The following SCML4 variants were observed in gnomAD, a reference collection of about 807,000 sequenced individuals.
The protein encoded by SCML4 is sex comb on midleg-like protein 4.
In SCML4, 34 loss-of-function variants were observed where a neutral mutation model predicts 41.1. The observed-to-expected ratio is 0.83, with a 90% CI of 0.63 to 1.10. The LOEUF is 1.10. Among genes scored for constraint, SCML4 ranks in the 50% least tolerant of loss-of-function variants. The pLI is 0.00. For missense variants in SCML4, 522 were observed against 534.1 expected, an observed-to-expected ratio of 0.98 and a Z score of 0.22; for synonymous variants, 214 against 220.9, an observed-to-expected ratio of 0.97 and a Z score of 0.28.
At chr6:107,781,362 C>T (rs1364244198) in intron 1 of SCML4, among the ~76,000 whole-genome samples, 1 of 152,118 alleles carries the variant, frequency 6.6e-6, no homozygotes, top group East Asian at 1.9e-4. Context: ...AAGAGGTTCC[C>T]CAAGCCGGGC....
the SCML4 span, among the ~76,000 whole-genome samples, chr6:107,835,529 C>T: frequency 6.6e-6 from 1 of 151,842 alleles, no homozygotes; most frequent in African/African-American, 2.4e-5. Flanking sequence ...TACTTGAGCC[C>T]AGGAGTTCGA....
At chr6:107,708,626 C>T (rs2114343297) in intron 6 of SCML4, among the ~76,000 whole-genome samples, 1 of 152,302 alleles carries the variant, frequency 6.6e-6, no homozygotes, top group East Asian at 1.9e-4. Context: ...CACTCACTGC[C>T]CCAGGTACAC....
chr6:107,837,441 A>G, the SCML4 span, among the ~76,000 whole-genome samples: 1 of 152,140 alleles, frequency 6.6e-6, no homozygotes, highest in African/African-American at 2.4e-5. Flanking sequence ...TAGTAGGCCG[A>G]ATGCACTTCC....
intron 1 of SCML4, among the ~76,000 whole-genome samples, chr6:107,813,411 TATATATATATATAAAA>T (rs1161877879): frequency 1.2e-3 from 30 of 24,852 alleles, no homozygotes; most frequent in Non-Finnish European, 2.4e-3. Context: ...TATATATATA[TATATATATATATAAAA>T]CTGTAAAATT....
intron 2 of SCML4, among the ~76,000 whole-genome samples, chr6:107,762,026 CAAT>C (rs1313143924): frequency 6.6e-6 from 1 of 151,542 alleles, no homozygotes; most frequent in African/African-American, 2.4e-5. Flanking sequence ...CTGTATCAAA[CAAT>C]AATAATGATG....
At chr6:107,745,371 G>A (rs1431339967) in intron 4 of SCML4, 1 of 489,798 alleles carries the variant, frequency 2.0e-6, no homozygotes, top group East Asian at 3.5e-5. Context: ...GTCTGTGACT[G>A]TTTCTCAGTC....
intron 1 of SCML4, among the ~76,000 whole-genome samples, chr6:107,805,779 G>A (rs758254980): frequency 6.6e-6 from 1 of 152,200 alleles, no homozygotes; most frequent in African/African-American, 2.4e-5. Flanking sequence ...GCACAAAGCA[G>A]CTGTAATACT....
intron 1 of SCML4, among the ~76,000 whole-genome samples, chr6:107,804,423 T>C (rs1200529865): frequency 6.6e-6 from 1 of 152,158 alleles, no homozygotes; most frequent in African/African-American, 2.4e-5. Context: ...AATTTCAGCC[T>C]TTCAGATGCA....
intron 4 of SCML4, chr6:107,745,551 G>C (rs1660449197): frequency 6.4e-6 from 1 of 155,498 alleles, no homozygotes; most frequent in South Asian, 2.0e-4. Context: ...GATAAAACTG[G>C]AGGAGTGCCG....
intron 2 of SCML4, among the ~76,000 whole-genome samples, chr6:107,769,305 A>G (rs1270946494): frequency 6.6e-6 from 1 of 152,218 alleles, no homozygotes; most frequent in East Asian, 1.9e-4. Flanking sequence ...GGCCTGACCT[A>G]TGAACTCTAG....
At chr6:107,741,350 C>T (rs1777582262) in intron 5 of SCML4, among the ~76,000 whole-genome samples, 1 of 152,194 alleles carries the variant, frequency 6.6e-6, no homozygotes, top group African/African-American at 2.4e-5. Flanking sequence ...TCCCAATTCA[C>T]TGTTTCTACA....
intron 5 of SCML4, among the ~76,000 whole-genome samples, chr6:107,726,305 G>A (rs1302880958): frequency 1.3e-5 from 2 of 151,758 alleles, no homozygotes; most frequent in Non-Finnish European, 1.5e-5. Flanking sequence ...AGGCTGAGGC[G>A]GGTGGATCAT....
At chr6:107,805,553 G>A (rs1407751551) in intron 1 of SCML4, among the ~76,000 whole-genome samples, 1 of 152,142 alleles carries the variant, frequency 6.6e-6, no homozygotes. Flanking sequence ...CTGAAATCCT[G>A]ACACTGGCCT....
chr6:107,835,083 G>C, the SCML4 span, among the ~76,000 whole-genome samples: 1 of 151,978 alleles, frequency 6.6e-6, no homozygotes, highest in East Asian at 1.9e-4. Flanking sequence ...CATTAGGCTG[G>C]GCTCAGTGGC....
chr6:107,708,100 G>T, intron 6 of SCML4, 89 bp from the exon 7 acceptor site: 2 of 1,453,030 alleles, frequency 1.4e-6, no homozygotes, highest in South Asian at 1.3e-5. Context: ...TAGCCTGGAA[G>T]GGGGATCCTC....
intron 2 of SCML4, among the ~76,000 whole-genome samples, chr6:107,767,988 C>G (rs1249497931): frequency 6.6e-6 from 1 of 150,908 alleles, no homozygotes; most frequent in Non-Finnish European, 1.5e-5. Context: ...TGGCTGGGCC[C>G]GGTGGCTCAT....
At chr6:107,818,642 G>A (rs1227143746) in intron 1 of SCML4, among the ~76,000 whole-genome samples, 2 of 152,200 alleles carry the variant, frequency 1.3e-5, no homozygotes, top group African/African-American at 4.8e-5. Context: ...GAAATGGTTA[G>A]GCCCAAAGGA....
At chr6:107,759,658 C>T (rs1230918615) in intron 2 of SCML4, among the ~76,000 whole-genome samples, 1 of 152,176 alleles carries the variant, frequency 6.6e-6, no homozygotes, top group African/African-American at 2.4e-5. Flanking sequence ...TATTTACTTA[C>T]TGCTGATTTG....
At chr6:107,803,619 T>C (rs562725940) in intron 1 of SCML4, among the ~76,000 whole-genome samples, 15 of 144,316 alleles carry the variant, frequency 1.0e-4, no homozygotes, top group East Asian at 4.1e-4. Flanking sequence ...GGGGGAAAGG[T>C]GGGGAAAAGA....
Sources: gnomAD v4.1 joint callset for allele counts (sites outside exome capture counted in the v4.1 genomes callset) on GRCh38, gnomAD v4.1.1 for gene constraint, MANE v1.5 for transcripts, NCBI Gene and HGNC (gene_info 2026-07-23, HGNC 2026-07-21) for gene names.